JAKMIP2: variants seen among roughly 807,000 people sequenced by gnomAD.
JAKMIP2 encodes janus kinase and microtubule interacting protein 2.
In JAKMIP2, 25 loss-of-function variants were observed where a neutral mutation model predicts 115.0. That is an observed-to-expected ratio of 0.22 (90% CI 0.16 to 0.30). The LOEUF (loss-of-function observed/expected upper bound fraction) is 0.30. Ranked by LOEUF, JAKMIP2 falls within the 10% of genes least tolerant of loss-of-function variation. The probability of loss-of-function intolerance (pLI) is 1.00; values close to 1 mark genes in which losing one functional copy is unlikely to be tolerated. For synonymous variants in JAKMIP2, 334 were observed against 343.6 expected, an observed-to-expected ratio of 0.97 and a Z score of 0.31; for missense variants, 642 against 957.6, an observed-to-expected ratio of 0.67 and a Z score of 4.35.
At chr5:147,781,591 C>T (rs1413376019) in intron 1 of JAKMIP2, among the ~76,000 whole-genome samples, 3 of 152,188 alleles carry the variant, frequency 2.0e-5, no homozygotes, top group African/African-American at 7.2e-5. Flanking sequence ...AAATTTGCAT[C>T]TAGTTCTATG....
intron 1 of JAKMIP2, among the ~76,000 whole-genome samples, chr5:147,706,543 A>C (rs549972198): frequency 6.6e-6 from 1 of 152,312 alleles, no homozygotes; most frequent in Non-Finnish European, 1.5e-5. Context: ...CTCTTTAAAA[A>C]AGAAAGCAAA....
intron 1 of JAKMIP2, among the ~76,000 whole-genome samples, chr5:147,694,376 A>T (rs568031751): frequency 4.6e-5 from 7 of 152,262 alleles, no homozygotes; most frequent in African/African-American, 1.7e-4. Context: ...GGGCAGCTAA[A>T]ATAGGAACAG....
At chr5:147,605,296 G>A (rs1303789092) in intron 20 of JAKMIP2, among the ~76,000 whole-genome samples, 2 of 141,980 alleles carry the variant, frequency 1.4e-5, no homozygotes, top group Admixed American at 7.6e-5. Context: ...TGCAAGCTCC[G>A]CCTCCCAGGT....
intron 1 of JAKMIP2, among the ~76,000 whole-genome samples, chr5:147,766,313 G>A (rs1755154748): frequency 6.6e-6 from 1 of 152,144 alleles, no homozygotes; most frequent in East Asian, 1.9e-4. Flanking sequence ...AAGGAATTAA[G>A]AGACTTTTCT....
intron 16 of JAKMIP2, among the ~76,000 whole-genome samples, chr5:147,625,798 C>T (rs1451353869): frequency 6.6e-6 from 1 of 152,136 alleles, no homozygotes; most frequent in East Asian, 1.9e-4. Context: ...GATACACTAA[C>T]AGCCAAGACT....
intron 1 of JAKMIP2, among the ~76,000 whole-genome samples, chr5:147,741,643 T>A (rs1255662822): frequency 3.3e-5 from 5 of 152,156 alleles, no homozygotes; most frequent in African/African-American, 1.2e-4. Flanking sequence ...TAAAGATGGG[T>A]AATATTCATT....
At chr5:147,675,557 G>T (rs1017696803) in intron 1 of JAKMIP2, among the ~76,000 whole-genome samples, 4 of 151,738 alleles carry the variant, frequency 2.6e-5, no homozygotes, top group African/African-American at 4.8e-5. Context: ...CAATTCAGTG[G>T]TTTTTAGTAT....
At chr5:147,702,555 A>AG (rs748555184) in intron 1 of JAKMIP2, among the ~76,000 whole-genome samples, 1 of 84,592 alleles carries the variant, frequency 1.2e-5, no homozygotes, top group Non-Finnish European at 2.2e-5. Flanking sequence ...CAAAGAAAGA[A>AG]GAAAGAAAGA....
At chr5:147,628,259 G>A (rs560367802) in intron 16 of JAKMIP2, among the ~76,000 whole-genome samples, 3 of 152,250 alleles carry the variant, frequency 2.0e-5, no homozygotes, top group Non-Finnish European at 4.4e-5. Flanking sequence ...GACACAAGGT[G>A]GAGCCAGAGC....
intron 1 of JAKMIP2, among the ~76,000 whole-genome samples, chr5:147,725,888 C>T (rs186849094): frequency 1.2e-4 from 19 of 152,248 alleles, no homozygotes; most frequent in Non-Finnish European, 1.8e-4. Flanking sequence ...GGCATGTACA[C>T]GATAACTGGA....
chr5:147,666,975 T>C (rs1177653607), intron 2 of JAKMIP2, among the ~76,000 whole-genome samples: 3 of 152,120 alleles, frequency 2.0e-5, no homozygotes, highest in Non-Finnish European at 4.4e-5. Flanking sequence ...ACAACATAAA[T>C]ATAAAAGTAC....
chr5:147,627,696 A>AAAAAC (rs1757164708), intron 16 of JAKMIP2, among the ~76,000 whole-genome samples: 2 of 150,828 alleles, frequency 1.3e-5, no homozygotes, highest in African/African-American at 4.9e-5. Flanking sequence ...AAAAAAAAAA[A>AAAAAC]AAAAAAAACC....
At chr5:147,606,024 G>A (rs1247689019) in intron 20 of JAKMIP2, among the ~76,000 whole-genome samples, 1 of 152,028 alleles carries the variant, frequency 6.6e-6, no homozygotes, top group South Asian at 2.1e-4. Flanking sequence ...TTTTTGATGG[G>A]GTTGTTTGCT....
intron 1 of JAKMIP2, among the ~76,000 whole-genome samples, chr5:147,773,217 T>G (rs1755430778): frequency 6.6e-6 from 1 of 152,144 alleles, no homozygotes; most frequent in Admixed American, 6.6e-5. Context: ...GAAGTGCATC[T>G]TTGGCAAAAG....
At chr5:147,623,815 AAAC>A (rs1320646944) in intron 16 of JAKMIP2, 126 bp from the exon 17 acceptor site, 2 of 560,494 alleles carry the variant, frequency 3.6e-6, no homozygotes, top group African/African-American at 3.9e-5. Flanking sequence ...ACTGAAGCAA[AAAC>A]AACACCTTTT....
At chr5:147,742,334 T>C (rs1754181305) in intron 1 of JAKMIP2, among the ~76,000 whole-genome samples, 1 of 151,880 alleles carries the variant, frequency 6.6e-6, no homozygotes, top group Non-Finnish European at 1.5e-5. Flanking sequence ...CTTCCAGGAT[T>C]ACGCTAACAT....
At chr5:147,597,047 ATTTT>A (rs34946624) in intron 21 of JAKMIP2, among the ~76,000 whole-genome samples, 12 of 145,248 alleles carry the variant, frequency 8.3e-5, no homozygotes, top group African/African-American at 7.6e-5. Flanking sequence ...TAATTTTTGT[ATTTT>A]TTTTTTTTTT....
intron 2 of JAKMIP2, chr5:147,661,976 T>C (rs972801069): frequency 6.5e-6 from 1 of 152,816 alleles, no homozygotes; most frequent in East Asian, 1.9e-4. Context: ...CAGTTTGATA[T>C]TGTGATAAGG....
At chr5:147,630,167 C>A (rs1226965705) in intron 14 of JAKMIP2, among the ~76,000 whole-genome samples, 1 of 151,888 alleles carries the variant, frequency 6.6e-6, no homozygotes, top group Non-Finnish European at 1.5e-5. Context: ...AAGAATCAAC[C>A]AATTTTATTC....
Sources: gnomAD v4.1 joint callset for allele counts (sites outside exome capture counted in the v4.1 genomes callset) on GRCh38, gnomAD v4.1.1 for gene constraint, MANE v1.5 for transcripts, NCBI Gene and HGNC (gene_info 2026-07-23, HGNC 2026-07-21) for gene names.